PCDHGA10: variants seen among roughly 807,000 people sequenced by gnomAD.
PCDHGA10 encodes protocadherin gamma-A10.
In PCDHGA10, 42 loss-of-function variants were observed where a neutral mutation model predicts 59.5. The ratio of observed to expected loss-of-function variants is 0.71; its 90% CI spans 0.55 to 0.91. The LOEUF is 0.91. PCDHGA10 is among the 40% of genes least tolerant of loss of function. The pLI, the probability that PCDHGA10 is intolerant of heterozygous loss-of-function variation, is 0.00. For missense variants in PCDHGA10, 1,111 were observed against 1,198.2 expected (o/e 0.93, Z 1.07); for synonymous variants, 511 against 517.2 (o/e 0.99, Z 0.16).
intron 2 of PCDHGA10, 58 bp downstream of exon 2, chr5:141,494,923 G>T: frequency 6.2e-7 from 1 of 1,613,698 alleles, no homozygotes; most frequent in Non-Finnish European, 8.5e-7. Context: ...CAGGGATGAC[G>T]TGGGAGGAGA....
intron 3 of PCDHGA10, among the ~76,000 whole-genome samples, chr5:141,509,065 T>A (rs1294546432): frequency 6.6e-6 from 1 of 152,018 alleles, no homozygotes; most frequent in Non-Finnish European, 1.5e-5. Context: ...AGCTCTCAGC[T>A]CCGGGGATTT....
At chr5:141,500,094 A>C (rs2099796337) in intron 2 of PCDHGA10, among the ~76,000 whole-genome samples, 1 of 151,860 alleles carries the variant, frequency 6.6e-6, no homozygotes, top group South Asian at 2.1e-4. Context: ...CCATTTTTGC[A>C]ATTTATTTGT....
intron 2 of PCDHGA10, among the ~76,000 whole-genome samples, chr5:141,503,598 CAA>C (rs765754054): frequency 2.7e-4 from 18 of 65,718 alleles, no homozygotes; most frequent in Admixed American, 6.9e-4. Flanking sequence ...GACTCCAGCT[CAA>C]AAAAAAAAAA....
At chr5:141,484,047 TC>T (rs1351554084) in intron 1 of PCDHGA10, among the ~76,000 whole-genome samples, 1 of 151,912 alleles carries the variant, frequency 6.6e-6, no homozygotes, top group African/African-American at 2.4e-5. Context: ...CTCCAAGAGG[TC>T]CCCTGGGGCT....
At position 141,476,172 on chromosome 5, in the gene PCDHGA10, T is replaced by C; in HGVS notation, c.2437-18635T>C. 6.2e-7 allele frequency: 1 copy of C among 1,612,930 alleles called. No individual in the cohort carries two copies. The highest frequency in any genetic ancestry group is 1.1e-5 in the South Asian group (1 of 91,026). On this transcript the variant is annotated intron_variant, in intron 1 of 3. Coordinates refer to ENST00000398610, the MANE Select transcript of PCDHGA10 (RefSeq NM_018913.3). This position sits in a 1 kb window ranked among gnomAD's most constrained non-coding sequence, Gnocchi z 7.6. ...GTAAGCACCGGGAGGGTAGTGGGAG[T>C]TTTGCTTCTGCTTGGTGCCTTGAAC...
rs2099615088 is a variant in PCDHGA10, at chr5:141,485,526, G to A, written c.2437-9281G>A. On this transcript the variant is annotated intron_variant, in intron 1 of 3. Coordinates refer to ENST00000398610, the MANE Select transcript of PCDHGA10 (RefSeq NM_018913.3). The surrounding 1 kb of genome is among the most constrained non-coding windows in gnomAD (Gnocchi z 5.7). Reference sequence around the variant, plus strand: ...ACCGAAGGTCCTTTGGAAATGTACCGAGCAGAGGTAGAGATCGTAGATGTG... The same window carrying A: ...ACCGAAGGTCCTTTGGAAATGTACCAAGCAGAGGTAGAGATCGTAGATGTG... 6.2e-7 allele frequency: 1 copy of A among 1,614,154 alleles called. No individual in the cohort carries two copies. The highest frequency in any genetic ancestry group is 2.2e-5 in the East Asian group (1 of 44,880).
Position 141,412,987 on chromosome 5 carries a change from A to T in PCDHGA10, c.-189A>T, listed in dbSNP as rs192699644. 1 of 564,522 alleles carries T rather than the reference A, an allele frequency of 1.8e-6. No homozygotes were observed. The highest frequency in any genetic ancestry group is 1.9e-5 in the African/African-American group (1 of 52,508). The allele number at this position is 564,522 out of a possible 1,614,324, so 35.0% of individuals were successfully genotyped here. ...AGGAGAGAAAACGCAGCCAGAGCTC[A>T]ATCCGGATTCTCAGGGCTTCAACTA... On this transcript the variant is annotated 5_prime_UTR_variant, in exon 1 of 4. Coordinates refer to ENST00000398610, the MANE Select transcript of PCDHGA10 (RefSeq NM_018913.3).
intron 1 of PCDHGA10, among the ~76,000 whole-genome samples, chr5:141,452,648 GCTCCATCCACTGCA>G (rs2098746292): frequency 6.6e-6 from 1 of 151,930 alleles, no homozygotes; most frequent in African/African-American, 2.4e-5. Flanking sequence ...TTACTCATTT[GCTCCATCCACTGCA>G]CTCCAGCCTA....
intron 2 of PCDHGA10, among the ~76,000 whole-genome samples, chr5:141,502,828 G>T (rs928458403): frequency 6.6e-6 from 1 of 150,704 alleles, no homozygotes; most frequent in Non-Finnish European, 1.5e-5. Context: ...CCTTGGGGAA[G>T]CCTGGACTGG....
At chr5:141,422,721 G>A in intron 1 of PCDHGA10, 1 of 1,605,664 alleles carries the variant, frequency 6.2e-7, no homozygotes, top group East Asian at 2.2e-5. Flanking sequence ...ACACTGTCCA[G>A]GGGGTGCCTC....
intron 1 of PCDHGA10, among the ~76,000 whole-genome samples, chr5:141,455,899 ATTT>A (rs1561962776): frequency 1.3e-5 from 2 of 148,258 alleles, no homozygotes; most frequent in Non-Finnish European, 3.0e-5. Flanking sequence ...TTATTTATTT[ATTT>A]ATTTATTTAT....
At chr5:141,460,368 G>A (rs1005554535) in intron 1 of PCDHGA10, among the ~76,000 whole-genome samples, 1 of 152,050 alleles carries the variant, frequency 6.6e-6, no homozygotes. Context: ...AAGTTTTATA[G>A]TTTTACCATT....
chr5:141,420,722 A>T (rs1428516588), intron 1 of PCDHGA10, among the ~76,000 whole-genome samples: 4 of 152,226 alleles, frequency 2.6e-5, no homozygotes, highest in Admixed American at 6.5e-5. Flanking sequence ...CGTTCCTTTC[A>T]GTCGGTTAAA....
intron 2 of PCDHGA10, among the ~76,000 whole-genome samples, chr5:141,499,675 T>A (rs1426498530): frequency 2.0e-5 from 3 of 150,746 alleles, no homozygotes; most frequent in African/African-American, 7.3e-5. Flanking sequence ...GTCTCCACCA[T>A]CTTTAACAGA....
Position 141,489,465 on chromosome 5 carries a change from T to C in PCDHGA10, c.2437-5342T>C. On this transcript the variant is annotated intron_variant, in intron 1 of 3. Transcript: ENST00000398610. The surrounding 1 kb of genome is among the most constrained non-coding windows in gnomAD (Gnocchi z 4.5). The stretch of plus-strand genomic sequence containing the variant: ...GCTCTGAGGAGAATGGGCGCTATTT[T>C]TCCCTGAGCTTGATGAGTGGTGCCC... The C allele has an allele frequency of 1.2e-6, 2 of 1,614,082 alleles. No homozygotes were observed. The highest frequency in any genetic ancestry group is 1.3e-5 in the African/African-American group (1 of 75,042).
At chr5:141,420,417 A>C (rs112493756) in intron 1 of PCDHGA10, 20 of 1,211,742 alleles carry the variant, frequency 1.7e-5, no homozygotes, top group Admixed American at 1.1e-4. Flanking sequence ...ATCATTATTA[A>C]AACAAAAGTT....
At chr5:141,478,442 C>G (rs1245219009) in intron 1 of PCDHGA10, 1 of 1,613,608 alleles carries the variant, frequency 6.2e-7, no homozygotes, top group Non-Finnish European at 8.5e-7. Flanking sequence ...GCTGAAGAAA[C>G]CTGGTGCAGC....
chr5:141,436,267 T>C (rs2097805427), intron 1 of PCDHGA10, among the ~76,000 whole-genome samples: 1 of 152,198 alleles, frequency 6.6e-6, no homozygotes, highest in South Asian at 2.1e-4. Flanking sequence ...TCTGCTCACC[T>C]AACTTGATTT....
At chr5:141,428,018 C>A in intron 1 of PCDHGA10, 12 of 1,604,570 alleles carry the variant, frequency 7.5e-6, no homozygotes, top group Middle Eastern at 1.7e-4. Context: ...TAGTGCCACG[C>A]GCCGCAGAGT....
Sources: allele counts gnomAD v4.1 joint callset (sites outside exome capture counted in the v4.1 genomes callset), GRCh38; gene constraint gnomAD v4.1.1; non-coding constraint Gnocchi (gnomAD v3.1); transcripts MANE v1.5; gene names NCBI Gene and HGNC (gene_info 2026-07-23, HGNC 2026-07-21).